IQGAP3: variants seen among roughly 807,000 people sequenced by gnomAD.
The protein encoded by IQGAP3 is IQ motif containing GTPase activating protein 3.
IQGAP3 carries 165 observed loss-of-function variants against 208.2 expected under a neutral mutation model. The observed-to-expected ratio is 0.79, with a 90% CI of 0.70 to 0.90. The LOEUF is 0.90. Ranked by LOEUF, IQGAP3 falls within the 40% of genes least tolerant of loss-of-function variation. IQGAP3 has a pLI of 0.00. For synonymous variants in IQGAP3, 703 were observed against 803.6 expected, an observed-to-expected ratio of 0.87 and a Z score of 2.12; for missense variants, 1,811 against 2,043.1, an observed-to-expected ratio of 0.89 and a Z score of 2.19.
chr1:156,536,431 C>T (rs1674687522), intron 27 of IQGAP3, among the ~76,000 whole-genome samples: 1 of 152,060 alleles, frequency 6.6e-6, no homozygotes, highest in Admixed American at 6.6e-5. Flanking sequence ...GGTGATTTCA[C>T]AGGAGTAGAG....
At position 156,569,390 on chromosome 1, in the gene IQGAP3, C is replaced by A; in HGVS notation, c.111G>T (p.Leu37=). The A allele has an allele frequency of 6.2e-7, 1 of 1,613,122 alleles. No homozygotes were observed. The highest frequency in any genetic ancestry group is 8.5e-7 in the Non-Finnish European group (1 of 1,179,428). Residue 37 remains leucine, a synonymous_variant, in exon 2 of 38, where the codon CTG becomes CTT. Coordinates refer to ENST00000361170, the MANE Select transcript of IQGAP3 (RefSeq NM_178229.5). ...ACTCCGCTCACCGCTTGGCCTCCTC[C>A]AGCCGGCACAGGTACTGATAGGCAA... The part of the protein sequence containing the change: ...QNVAYQYLCR[L]EEAKRWMEAC...
intron 26 of IQGAP3, 64 bp downstream of exon 26, chr1:156,538,745 C>T: frequency 1.4e-6 from 2 of 1,433,882 alleles, no homozygotes; most frequent in Non-Finnish European, 2.0e-6. Context: ...CAGTAGGGTC[C>T]AAGACACAGC....
chr1:156,548,158 C>G lies in IQGAP3; in HGVS notation c.2219G>C (p.Arg740Pro). The part of the protein sequence containing the change: ...NVGFVIQLQA[R>P]LRGFLVRQKF... Reference sequence around the variant, plus strand: ...CTGCCGAACTAGGAAGCCACGGAGGCGGGCCTGGAGCTGGATAACAAAGCC... The same window carrying G: ...CTGCCGAACTAGGAAGCCACGGAGGGGGGCCTGGAGCTGGATAACAAAGCC... Residue 740 changes from arginine to proline, a missense_variant, in exon 19 of 38, where the codon CGC becomes CCC. Physicochemically the swap from Arg to Pro is moderately radical, Grantham distance 103. Transcript: ENST00000361170. 6.2e-7 allele frequency: 1 copy of G among 1,613,988 alleles called. No individual in the cohort carries two copies. Among genetic ancestry groups the G allele is most frequent in the South Asian group, 1.1e-5 (1 of 91,050 alleles).
At position 156,548,258 on chromosome 1, in the gene IQGAP3, G is replaced by T. The variant is rs753243336; in HGVS notation, c.2134-15C>A. On this transcript the variant is annotated splice_polypyrimidine_tract_variant and intron_variant, in intron 18 of 37. Coordinates refer to ENST00000361170, the MANE Select transcript of IQGAP3 (RefSeq NM_178229.5). ...GTGACAGCTGACTGTGGAGGCAGGA[G>T]AGAGACGCTGTGGTCTTTTGGGGAG... is the stretch of plus-strand genomic sequence containing the variant. 53 of 1,611,930 alleles carry T rather than the reference G, an allele frequency of 3.3e-5. No individual in the cohort carries two copies. In the East Asian group the frequency reaches 1.1e-3, roughly 34 times the overall value.
chr1:156,535,241 C>T lies in IQGAP3; in HGVS notation c.3429G>A (p.Gly1143=). The T allele has an allele frequency of 6.2e-7, 1 of 1,610,406 alleles. No homozygotes were observed. Among genetic ancestry groups the T allele is most frequent in the Non-Finnish European group, 8.5e-7 (1 of 1,177,590 alleles). Residue 1143 remains glycine (G), a synonymous_variant, in exon 28 of 38, where the codon GGG becomes GGA. Coordinates refer to ENST00000361170, the MANE Select transcript of IQGAP3 (RefSeq NM_178229.5). ...ITSSVDQIPY[G]MRYVAKVLKA... The stretch of plus-strand genomic sequence containing the variant: ...TCAGGACTTTGGCCACATATCGCAT[C>T]CCATACCTGGGGACAAAGAAACAGG...
At chr1:156,559,188 C>G (rs954700115) in intron 11 of IQGAP3, among the ~76,000 whole-genome samples, 4 of 151,994 alleles carry the variant, frequency 2.6e-5, no homozygotes, top group Non-Finnish European at 5.9e-5. Context: ...GCTGTCATAG[C>G]AGAGGGTGAG....
Position 156,535,159 on chromosome 1 carries a change from T to C in IQGAP3, c.3507+4A>G, listed in dbSNP as rs749607179. The C allele has an allele frequency of 5.6e-6, 9 of 1,610,150 alleles. No homozygotes were observed. Among genetic ancestry groups the C allele is most frequent in the Non-Finnish European group, 7.6e-6 (9 of 1,176,614 alleles). On this transcript the variant is annotated splice_donor_region_variant and intron_variant, in intron 28 of 37. Coordinates refer to ENST00000361170, the MANE Select transcript of IQGAP3 (RefSeq NM_178229.5). ...GGAGGTGGGGGTGGGGAGACAACAC[T>C]TGCCTTATAGACCTCGCTGTCTGTG... is the stretch of plus-strand genomic sequence containing the variant.
chr1:156,566,912 G>A (rs1451881313), intron 2 of IQGAP3, among the ~76,000 whole-genome samples: 2 of 150,614 alleles, frequency 1.3e-5, no homozygotes, highest in African/African-American at 4.9e-5. Context: ...TGTTGCCCAG[G>A]CTAGAGTGCA....
intron 33 of IQGAP3, among the ~76,000 whole-genome samples, chr1:156,530,631 C>G (rs997298036): frequency 6.6e-6 from 1 of 152,202 alleles, no homozygotes; most frequent in Admixed American, 6.5e-5. Context: ...CAGACACTAG[C>G]TGTGACTTCC....
chr1:156,532,894 GA>G, intron 32 of IQGAP3, 85 bp downstream of exon 32: 1 of 1,456,126 alleles, frequency 6.9e-7, no homozygotes, highest in Non-Finnish European at 9.5e-7. Context: ...GAAGAAGGTG[GA>G]ATGGGCGCCT....
chr1:156,550,388 A>C (rs1675494278), intron 15 of IQGAP3, 37 bp from the exon 16 acceptor site: 1 of 1,511,608 alleles, frequency 6.6e-7, no homozygotes, highest in African/African-American at 1.4e-5. Flanking sequence ...ATGTGACCCC[A>C]AGCTAGTCTC....
At chr1:156,563,696 A>C (rs749067815) in intron 6 of IQGAP3, 30 bp from the exon 7 acceptor site, 1 of 1,609,440 alleles carries the variant, frequency 6.2e-7, no homozygotes, top group East Asian at 2.2e-5. Context: ...GCCCTTCATC[A>C]GGCCCAGAAC....
Position 156,566,080 on chromosome 1 carries a change from T to C in IQGAP3, c.307A>G (p.Thr103Ala), listed in dbSNP as rs1676387154. 4.3e-6 allele frequency: 7 copies of C among 1,613,898 alleles called. No individual in the cohort carries two copies. The highest frequency in any genetic ancestry group is 5.9e-6 in the Non-Finnish European group (7 of 1,179,828). Residue 103 changes from threonine (T) to alanine (A), a missense_variant, in exon 4 of 38, where the codon ACA (threonine) becomes GCA (alanine). Transcript: ENST00000361170. ...YQATGLHFRH[T>A]DNINFWLSAI... ...GATAGCCAAAAGTTGATGTTGTCTG[T>C]GTGACGGAAATGTAAGCCAGTTGCC...
At chr1:156,543,679 G>A (rs1428607685) in intron 22 of IQGAP3, among the ~76,000 whole-genome samples, 1 of 152,194 alleles carries the variant, frequency 6.6e-6, no homozygotes, top group Non-Finnish European at 1.5e-5. Context: ...AGAGGAGAAG[G>A]TTGAACCCTA....
chr1:156,551,642 A>C, intron 15 of IQGAP3, 63 bp downstream of exon 15: 1 of 1,502,774 alleles, frequency 6.7e-7, no homozygotes, highest in Non-Finnish European at 9.0e-7. Flanking sequence ...GACTGGGTAC[A>C]GTGCAACCCA....
rs745494645 is a variant in IQGAP3 at position 156,535,167 on chromosome 1, T to C, written c.3503A>G (p.Tyr1168Cys). 2 of 1,612,606 alleles carry C rather than the reference T, an allele frequency of 1.2e-6. No individual in the cohort carries two copies. Among genetic ancestry groups the C allele is most frequent in the Non-Finnish European group, 1.7e-6 (2 of 1,178,776 alleles). ...KFPDATDSEV[Y>C]KVVGNLLYYR... ...GGGTGGGGAGACAACACTTGCCTTA[T>C]AGACCTCGCTGTCTGTGGCGTCAGG... The change falls in exon 28 of 38, where the codon TAT (tyrosine) becomes TGT (cysteine). Residue 1168 changes from tyrosine (Y) to cysteine (C), a missense_variant. By Grantham distance (194) the Tyr-to-Cys change is radical. Coordinates refer to ENST00000361170, the MANE Select transcript of IQGAP3 (RefSeq NM_178229.5).
intron 22 of IQGAP3, 77 bp from the exon 23 acceptor site, chr1:156,540,993 C>G: frequency 8.4e-7 from 1 of 1,188,530 alleles, no homozygotes; most frequent in South Asian, 1.3e-5. Flanking sequence ...CCCGAGTCAG[C>G]CCACCCCAGT....
chr1:156,566,326 C>A, intron 3 of IQGAP3, 64 bp downstream of exon 3: 1 of 1,503,342 alleles, frequency 6.7e-7, no homozygotes, highest in Non-Finnish European at 9.2e-7. Flanking sequence ...TCTACCCTCA[C>A]AGCTTTGAGG....
chr1:156,529,928 A>AAAAAAAAAAAAAAAG (rs1553221888), intron 34 of IQGAP3, among the ~76,000 whole-genome samples, 177 bp downstream of exon 34: 4 of 150,150 alleles, frequency 2.7e-5, no homozygotes, highest in African/African-American at 1.0e-4. Flanking sequence ...AAAAAAAAAA[A>AAAAAAAAAAAAAAAG]AAAAAAGAAA....
Sources: gnomAD v4.1 joint callset for allele counts (sites outside exome capture counted in the v4.1 genomes callset) on GRCh38, gnomAD v4.1.1 for gene constraint, MANE v1.5 for transcripts, NCBI Gene and HGNC (gene_info 2026-07-23, HGNC 2026-07-21) for gene names.